Variants in MCPH1 observed in about 807,000 individuals in gnomAD.
The protein encoded by MCPH1 is microcephalin.
A neutral mutation model predicts 84.5 loss-of-function variants in MCPH1; 104 were observed. That is an observed-to-expected ratio of 1.23 (90% confidence interval 1.05 to 1.45). MCPH1 has a LOEUF of 1.45. Ranked by LOEUF, MCPH1 falls within the 40% of genes most tolerant of loss-of-function variation. The pLI is 0.00. For synonymous variants in MCPH1, 514 were observed against 366.8 expected, an observed-to-expected ratio of 1.40 and a Z score of -4.58; for missense variants, 1,498 against 1,005.7, an observed-to-expected ratio of 1.49 and a Z score of -6.62.
intron 11 of MCPH1, among the ~76,000 whole-genome samples, chr8:6,485,850 T>C (rs1294162106): frequency 6.6e-6 from 1 of 152,082 alleles, no homozygotes; most frequent in Non-Finnish European, 1.5e-5. Context: ...GTAAACGCAA[T>C]GGTAACCGCA....
chr8:6,472,675 C>T (rs1469145512), intron 9 of MCPH1, among the ~76,000 whole-genome samples: 1 of 152,088 alleles, frequency 6.6e-6, no homozygotes, highest in Non-Finnish European at 1.5e-5. Flanking sequence ...GCCATGGTGT[C>T]CAGGCTGGTC....
intron 12 of MCPH1, among the ~76,000 whole-genome samples, chr8:6,561,180 A>C (rs1381590714): frequency 6.6e-6 from 1 of 152,250 alleles, no homozygotes; most frequent in Non-Finnish European, 1.5e-5. Flanking sequence ...ATTTTAGAAG[A>C]TGTTTAAAAG....
At chr8:6,578,592 C>A (rs1427849408) in intron 12 of MCPH1, among the ~76,000 whole-genome samples, 2 of 152,156 alleles carry the variant, frequency 1.3e-5, no homozygotes, top group African/African-American at 2.4e-5. Context: ...TTCATTGCTA[C>A]CAAAATGCTA....
At chr8:6,521,143 A>G in intron 12 of MCPH1, 4 of 1,572,680 alleles carry the variant, frequency 2.5e-6, no homozygotes, top group Non-Finnish European at 3.5e-6. Flanking sequence ...ACTAAAGGTT[A>G]TTAACGCTGA....
intron 1 of MCPH1, among the ~76,000 whole-genome samples, chr8:6,408,161 G>C (rs962115729): frequency 6.6e-6 from 1 of 152,210 alleles, no homozygotes; most frequent in East Asian, 1.9e-4. Flanking sequence ...CTCATGTATT[G>C]TATGGGTACA....
At chr8:6,625,928 T>C (rs1212248715) in intron 13 of MCPH1, 1 of 984,738 alleles carries the variant, frequency 1.0e-6, no homozygotes. Flanking sequence ...GAGAAGTTTC[T>C]TTTCTTTTCC....
intron 12 of MCPH1, among the ~76,000 whole-genome samples, chr8:6,614,363 G>A (rs972002422): frequency 4.6e-5 from 7 of 152,138 alleles, no homozygotes; most frequent in African/African-American, 1.2e-4. Flanking sequence ...ATAGCTTTCC[G>A]CTGCCAGGCT....
chr8:6,640,828 T>C (rs567780109), intron 13 of MCPH1, among the ~76,000 whole-genome samples: 1 of 152,354 alleles, frequency 6.6e-6, no homozygotes, highest in Admixed American at 6.5e-5. Context: ...CTTTAATGCA[T>C]GTGCATTTCA....
chr8:6,576,610 C>T (rs561097124), intron 12 of MCPH1, among the ~76,000 whole-genome samples: 62 of 145,246 alleles, frequency 4.3e-4, no homozygotes, highest in Non-Finnish European at 7.4e-4. Context: ...CCGGGTCAAG[C>T]GATTCTTCTG....
At chr8:6,518,232 C>G (rs1337113991) in intron 12 of MCPH1, among the ~76,000 whole-genome samples, 1 of 152,174 alleles carries the variant, frequency 6.6e-6, no homozygotes, top group Non-Finnish European at 1.5e-5. Flanking sequence ...CCTCTGTCCC[C>G]CCTCTTGACA....
chr8:6,460,593 A>G (rs1806170578), intron 9 of MCPH1, among the ~76,000 whole-genome samples: 1 of 151,946 alleles, frequency 6.6e-6, no homozygotes, highest in Non-Finnish European at 1.5e-5. Context: ...CATATTATGC[A>G]TATTTCTTTT....
intron 3 of MCPH1, among the ~76,000 whole-genome samples, chr8:6,429,161 A>G (rs1470766458): frequency 6.6e-6 from 1 of 152,198 alleles, no homozygotes; most frequent in Non-Finnish European, 1.5e-5. Context: ...TGAATGTGGA[A>G]GTTGTGTGTT....
chr8:6,427,871 C>G (rs1801288607), intron 3 of MCPH1, among the ~76,000 whole-genome samples: 1 of 151,414 alleles, frequency 6.6e-6, no homozygotes, highest in African/African-American at 2.4e-5. Flanking sequence ...CGGCTCACTG[C>G]AACCTCTGCC....
chr8:6,558,549 C>G (rs1416197987), intron 12 of MCPH1, among the ~76,000 whole-genome samples: 1 of 152,134 alleles, frequency 6.6e-6, no homozygotes, highest in Non-Finnish European at 1.5e-5. Flanking sequence ...AACTGGCTTA[C>G]AGATAAACTT....
intron 12 of MCPH1, among the ~76,000 whole-genome samples, chr8:6,591,931 A>G (rs1828488049): frequency 6.6e-6 from 1 of 152,226 alleles, no homozygotes; most frequent in Non-Finnish European, 1.5e-5. Flanking sequence ...AAAATTTTTC[A>G]GAATACAATG....
intron 12 of MCPH1, among the ~76,000 whole-genome samples, chr8:6,620,717 C>A (rs1831323674): frequency 6.6e-6 from 1 of 152,204 alleles, no homozygotes; most frequent in African/African-American, 2.4e-5. Context: ...TCTTTACCAA[C>A]CCGTAGTTAG....
intron 12 of MCPH1, among the ~76,000 whole-genome samples, chr8:6,575,362 C>T (rs1250942764): frequency 6.6e-6 from 1 of 152,116 alleles, no homozygotes; most frequent in Non-Finnish European, 1.5e-5. Context: ...TATGAGGGAC[C>T]CTTGGCCACG....
At chr8:6,458,469 CTCA>C (rs1805932783) in intron 9 of MCPH1, among the ~76,000 whole-genome samples, 2 of 114,316 alleles carry the variant, frequency 1.7e-5, no homozygotes, top group African/African-American at 8.6e-5. Flanking sequence ...GAGACTCCTT[CTCA>C]AAAAAAAAAA....
At chr8:6,623,395 T>C (rs1255101057) in intron 13 of MCPH1, among the ~76,000 whole-genome samples, 1 of 152,060 alleles carries the variant, frequency 6.6e-6, no homozygotes, top group East Asian at 1.9e-4. Flanking sequence ...TTTTTCTCTC[T>C]CTTTGCTTCC....
Sources: allele counts gnomAD v4.1 joint callset (sites outside exome capture counted in the v4.1 genomes callset), GRCh38; gene constraint gnomAD v4.1.1; transcripts MANE v1.5; gene names NCBI Gene and HGNC (gene_info 2026-07-23, HGNC 2026-07-21).